LRP1B: variants seen among roughly 807,000 people sequenced by gnomAD.
LRP1B encodes LDL receptor related protein 1B.
A neutral mutation model predicts 556.6 loss-of-function variants in LRP1B; 217 were observed. The observed-to-expected ratio is 0.39, with a 90% CI of 0.35 to 0.44. The LOEUF is 0.44. Among genes scored for constraint, LRP1B ranks in the 20% least tolerant of loss-of-function variants. The probability of loss-of-function intolerance (pLI) is 1.00; values close to 1 mark genes in which losing one functional copy is unlikely to be tolerated. For missense variants in LRP1B, 5,053 were observed against 5,620.8 expected, an observed-to-expected ratio of 0.90 and a Z score of 3.23; for synonymous variants, 2,047 against 1,865.8, an observed-to-expected ratio of 1.10 and a Z score of -2.50.
intron 86 of LRP1B, among the ~76,000 whole-genome samples, chr2:140,250,323 C>T (rs1426536065): frequency 6.6e-6 from 1 of 151,558 alleles, no homozygotes. Flanking sequence ...GAATTTTAAC[C>T]AAGTATCATT....
In LRP1B at chr2:141,023,136, T is replaced by A. The variant is rs193209311; in HGVS notation, c.1790-3034A>T. On this transcript the variant is annotated intron_variant, in intron 11 of 90. Coordinates refer to ENST00000389484, the MANE Select transcript of LRP1B (RefSeq NM_018557.3). ...ACTCAGAAAATAAACAGCCTTTTCT[T>A]GCATTCTGAAAACTTAAGAATATTA... Among the ~76,000 whole-genome samples, 5 of 152,094 alleles carry A rather than the reference T, an allele frequency of 3.3e-5. No homozygotes were observed. In the East Asian group the frequency reaches 9.7e-4, roughly 29 times the overall value.
chr2:141,241,137 T>C (rs1359279442), intron 5 of LRP1B, among the ~76,000 whole-genome samples: 3 of 152,100 alleles, frequency 2.0e-5, no homozygotes, highest in Non-Finnish European at 4.4e-5. Context: ...TTGTATCATT[T>C]GGATAGTAAA....
intron 11 of LRP1B, among the ~76,000 whole-genome samples, chr2:141,023,914 T>C (rs1698141359): frequency 6.6e-6 from 1 of 152,080 alleles, no homozygotes; most frequent in South Asian, 2.1e-4. Flanking sequence ...GGAACGGAAG[T>C]GTCTACGTGA....
chr2:140,682,312 T>G (rs1246127652), intron 41 of LRP1B, among the ~76,000 whole-genome samples: 1 of 152,224 alleles, frequency 6.6e-6, no homozygotes, highest in African/African-American at 2.4e-5. Flanking sequence ...TTATTTCTGC[T>G]GCTAAGATTT....
At chr2:140,431,920 A>C (rs1287599934) in intron 66 of LRP1B, among the ~76,000 whole-genome samples, 1 of 152,118 alleles carries the variant, frequency 6.6e-6, no homozygotes, top group African/African-American at 2.4e-5. Flanking sequence ...TACCACCCCC[A>C]AAAATTTTCG....
intron 7 of LRP1B, among the ~76,000 whole-genome samples, chr2:141,122,635 C>G (rs1159838311): frequency 6.6e-6 from 1 of 152,112 alleles, no homozygotes; most frequent in Non-Finnish European, 1.5e-5. Context: ...AATAGGAACA[C>G]TTTTATACTG....
intron 60 of LRP1B, among the ~76,000 whole-genome samples, chr2:140,473,211 C>A (rs938743717): frequency 1.3e-5 from 2 of 152,046 alleles, no homozygotes; most frequent in South Asian, 2.1e-4. Context: ...TATTGGCCTG[C>A]GCTCAGATAT....
intron 1 of LRP1B, among the ~76,000 whole-genome samples, chr2:141,828,452 C>A (rs1372660350): frequency 1.3e-5 from 2 of 151,832 alleles, no homozygotes; most frequent in Admixed American, 6.6e-5. Flanking sequence ...TTAAAAAATA[C>A]AGAAACTAAA....
chr2:140,344,811 A>G (rs1380622668), intron 77 of LRP1B, among the ~76,000 whole-genome samples: 2 of 151,746 alleles, frequency 1.3e-5, no homozygotes, highest in Non-Finnish European at 2.9e-5. Context: ...GTAAGGGAAG[A>G]GAGTAGAGGA....
At chr2:141,119,458 A>T (rs916869755) in intron 7 of LRP1B, among the ~76,000 whole-genome samples, 3 of 151,928 alleles carry the variant, frequency 2.0e-5, no homozygotes, top group African/African-American at 7.2e-5. Context: ...GTCTCATACT[A>T]AAGTGAGAGA....
chr2:142,130,694 C>T lies in LRP1B; in HGVS notation c.36G>A (p.Ser12=). The change falls in exon 1 of 91, where the codon TCG becomes TCA. Residue 12 remains serine (S), a synonymous_variant. Transcript: ENST00000389484. ...GCACCCTGGCAATCGGCAATAATCC[C>T]GAGAGAGTGAGTAAGGCGAGGAGAA... ...SEFLLALLTL[S]GLLPIARVLT... is the part of the protein sequence containing the mutation. The T allele has an allele frequency of 4.3e-6, 7 of 1,613,568 alleles. No individual in the cohort carries two copies. Among genetic ancestry groups the T allele is most frequent in the Non-Finnish European group, 5.9e-6 (7 of 1,179,766 alleles).
At chr2:140,626,474 G>A (rs74575997) in intron 41 of LRP1B, among the ~76,000 whole-genome samples, 6,760 of 152,102 alleles carry the variant, frequency 0.044, 205 homozygotes, top group Middle Eastern at 0.11. Flanking sequence ...GGGCATATGT[G>A]GGAATTTCTG....
intron 6 of LRP1B, 22 bp downstream of exon 6, chr2:141,229,161 A>G (rs1430084154): frequency 6.2e-7 from 1 of 1,609,926 alleles, no homozygotes; most frequent in Admixed American, 1.7e-5. Flanking sequence ...GGTGGCATAT[A>G]ATATTTAATT....
rs541065654 is a variant in LRP1B, at chr2:141,243,212, G to A, written c.592+4014C>T. On this transcript the variant is annotated intron_variant, in intron 5 of 90. Coordinates refer to ENST00000389484, the MANE Select transcript of LRP1B (RefSeq NM_018557.3). ...AATAGCTAGCTTTTGTGTAGGTGTC[G>A]TGGCTCACATATGTGATCTCAGCAC... is the stretch of plus-strand genomic sequence containing the variant. Among the ~76,000 whole-genome samples, 148 of 151,000 alleles carry A rather than the reference G, an allele frequency of 9.8e-4. 3 individuals carry two copies. Among genetic ancestry groups the A allele is most frequent in the South Asian group, 2.7e-3 (13 of 4,798 alleles).
At chr2:141,636,650 A>G (rs555785895) in intron 2 of LRP1B, among the ~76,000 whole-genome samples, 4 of 152,256 alleles carry the variant, frequency 2.6e-5, no homozygotes, top group South Asian at 4.1e-4. Flanking sequence ...CTGCTTTGCC[A>G]TTTAAGTGGT....
At chr2:141,096,153 A>G (rs903180031) in intron 7 of LRP1B, among the ~76,000 whole-genome samples, 5 of 152,142 alleles carry the variant, frequency 3.3e-5, no homozygotes, top group African/African-American at 4.8e-5. Context: ...CCCCATGCCA[A>G]ATATGTTATA....
chr2:140,245,346 C>T (rs1262114173), intron 87 of LRP1B, among the ~76,000 whole-genome samples: 2 of 151,336 alleles, frequency 1.3e-5, no homozygotes, highest in Non-Finnish European at 3.0e-5. Flanking sequence ...CAGCTCCAAA[C>T]CATTTTCCAA....
intron 2 of LRP1B, among the ~76,000 whole-genome samples, chr2:141,742,769 T>C (rs1372602233): frequency 6.6e-6 from 1 of 152,208 alleles, no homozygotes; most frequent in Non-Finnish European, 1.5e-5. Context: ...TTCCCACTTT[T>C]TGGTGTCCTC....
rs1224758607 is a variant in LRP1B at position 140,886,200 on chromosome 2, A to G, written c.3902T>C (p.Leu1301Ser). 6.2e-7 allele frequency: 1 copy of G among 1,611,540 alleles called. No homozygotes were observed. Among genetic ancestry groups the G allele is most frequent in the East Asian group, 2.2e-5 (1 of 44,668 alleles). ...IALDFHFNQSLLYWTDVVEDR... is the reference protein window; with the variant it reads ...IALDFHFNQSSLYWTDVVEDR... The stretch of plus-strand genomic sequence containing the variant: ...TTCTACAACATCTGTCCAATAAAGT[A>G]AACTTTGATTGAAGTGAAAATCAAG... The change falls in exon 24 of 91, where the codon TTA becomes TCA. Residue 1301 changes from leucine to serine, a missense_variant. By Grantham distance (145) the Leu-to-Ser change is moderately radical. Transcript: ENST00000389484.
Sources: allele counts gnomAD v4.1 joint callset (sites outside exome capture counted in the v4.1 genomes callset), GRCh38; gene constraint gnomAD v4.1.1; transcripts MANE v1.5; gene names NCBI Gene and HGNC (gene_info 2026-07-23, HGNC 2026-07-21).